The following LHFPL3 variants were observed in gnomAD, a reference collection of about 807,000 sequenced individuals.
The protein encoded by LHFPL3 is LHFPL tetraspan subfamily member 3, also known as LHFPL tetraspan subfamily member 3 protein.
A neutral mutation model predicts 19.3 loss-of-function variants in LHFPL3; 5 were observed. The observed-to-expected ratio is 0.26, with a 90% CI of 0.14 to 0.54. The LOEUF is 0.54. Among genes scored for constraint, LHFPL3 ranks in the 20% least tolerant of loss-of-function variants. LHFPL3 has a pLI of 0.94. For missense variants in LHFPL3, 249 were observed against 307.4 expected, an observed-to-expected ratio of 0.81 and a Z score of 1.42; for synonymous variants, 133 against 126.2, an observed-to-expected ratio of 1.05 and a Z score of -0.36.
At chr7:104,451,458 G>T (rs1792437087) in intron 1 of LHFPL3, among the ~76,000 whole-genome samples, 1 of 152,130 alleles carries the variant, frequency 6.6e-6, no homozygotes, top group African/African-American at 2.4e-5. Context: ...GAAGAGTTTT[G>T]TTGTTCTCTG....
intron 2 of LHFPL3, 149 bp downstream of exon 2, chr7:104,737,060 G>A (rs1462171427): frequency 3.3e-6 from 2 of 608,956 alleles, no homozygotes; most frequent in Admixed American, 3.0e-5. Context: ...CTTTACCCCA[G>A]ACTCAACTCA....
In LHFPL3 at chr7:104,901,734, ATTT is replaced by A. The variant is rs1472820061; in HGVS notation, c.683-4446_683-4444del. On this transcript the variant is annotated intron_variant, in intron 2 of 2. Coordinates refer to ENST00000424859, the MANE Select transcript of LHFPL3 (RefSeq NM_199000.3). ...TGGTGTGCACCATCACACCTGGCTA[ATTT>A]TTTTTTATTTTCTGTAGACACAGCA... Among the ~76,000 whole-genome samples the A allele has an allele frequency of 4.0e-5, 6 of 151,108 alleles. No homozygotes were observed. The South Asian group carries it at 1.3e-3, about 32-fold the overall frequency.
intron 1 of LHFPL3, among the ~76,000 whole-genome samples, chr7:104,625,153 T>G (rs1217155787): frequency 1.4e-4 from 22 of 152,364 alleles, no homozygotes; most frequent in Non-Finnish European, 3.1e-4. Context: ...ACATTGTCCT[T>G]GCATTCAGTG....
rs1355577893 is a variant in LHFPL3 at position 104,907,840 on chromosome 7, T to C, written c.*1625T>C. ...TCTGGTACGGGCCATCTTTTCACCA[T>C]AAATGGCATTATGTTTCAAATGGCT... is the stretch of plus-strand genomic sequence containing the variant. On this transcript the variant is annotated 3_prime_UTR_variant, in exon 3 of 3. Coordinates refer to ENST00000424859, the MANE Select transcript of LHFPL3 (RefSeq NM_199000.3). Among the ~76,000 whole-genome samples, 1 of 152,206 alleles carries C rather than the reference T, an allele frequency of 6.6e-6. No homozygotes were observed. The highest frequency in any genetic ancestry group is 1.5e-5 in the Non-Finnish European group (1 of 68,030).
intron 1 of LHFPL3, among the ~76,000 whole-genome samples, chr7:104,665,218 A>G (rs1452429659): frequency 6.6e-6 from 1 of 151,610 alleles, no homozygotes; most frequent in Non-Finnish European, 1.5e-5. Flanking sequence ...GTTATCTACA[A>G]ATGTAGCATC....
chr7:104,876,594 T>C (rs1791946871), intron 2 of LHFPL3, among the ~76,000 whole-genome samples: 1 of 151,448 alleles, frequency 6.6e-6, no homozygotes, highest in Non-Finnish European at 1.5e-5. Context: ...TCACACCAGT[T>C]AGAATGGCTA....
intron 1 of LHFPL3, among the ~76,000 whole-genome samples, chr7:104,374,689 A>G (rs1469581598): frequency 2.0e-5 from 3 of 152,276 alleles, no homozygotes; most frequent in East Asian, 3.9e-4. Flanking sequence ...GCCTTGATCT[A>G]ATGGGATAGT....
At chr7:104,853,596 G>C (rs545187511) in intron 2 of LHFPL3, among the ~76,000 whole-genome samples, 3 of 152,138 alleles carry the variant, frequency 2.0e-5, no homozygotes, top group Non-Finnish European at 4.4e-5. Context: ...GTAAATTAGT[G>C]CTAATTTGAT....
chr7:104,576,159 A>C (rs565659726), intron 1 of LHFPL3, among the ~76,000 whole-genome samples: 77 of 152,288 alleles, frequency 5.1e-4, no homozygotes, highest in African/African-American at 1.7e-3. Flanking sequence ...AAGAAGATCC[A>C]GGAAAAAAAA....
chr7:104,735,496 G>A (rs1195752990), intron 1 of LHFPL3, among the ~76,000 whole-genome samples: 1 of 152,266 alleles, frequency 6.6e-6, no homozygotes. Context: ...AAGGCTCCGT[G>A]GGCATAGGAC....
chr7:104,874,971 TGAGTA>T, intron 2 of LHFPL3, among the ~76,000 whole-genome samples: 1 of 151,980 alleles, frequency 6.6e-6, no homozygotes, highest in South Asian at 2.1e-4. Flanking sequence ...CTCAGCCTTC[TGAGTA>T]GTTAGGACTA....
At chr7:104,334,755 G>T (rs1420632959) in intron 1 of LHFPL3, among the ~76,000 whole-genome samples, 1 of 152,112 alleles carries the variant, frequency 6.6e-6, no homozygotes, top group Admixed American at 6.5e-5. Context: ...TATAGGTAAT[G>T]ATCTTTATTA....
intron 2 of LHFPL3, chr7:104,744,007 T>C (rs1793990488): frequency 6.6e-6 from 1 of 151,682 alleles, no homozygotes; most frequent in African/African-American, 2.4e-5. Context: ...CCTGCAAATT[T>C]TTTTTGGTAC....
chr7:104,708,733 T>C (rs368759308), intron 1 of LHFPL3, among the ~76,000 whole-genome samples: 33 of 152,164 alleles, frequency 2.2e-4, no homozygotes, highest in African/African-American at 8.0e-4. Context: ...GACTCTTAGA[T>C]CTGGTTGAAA....
intron 1 of LHFPL3, among the ~76,000 whole-genome samples, chr7:104,519,811 G>A (rs1794010463): frequency 6.6e-6 from 1 of 152,060 alleles, no homozygotes; most frequent in African/African-American, 2.4e-5. Flanking sequence ...TTCTAGGGAA[G>A]CAACTGTAGA....
intron 1 of LHFPL3, among the ~76,000 whole-genome samples, chr7:104,599,341 G>T (rs1790921718): frequency 6.6e-6 from 1 of 152,020 alleles, no homozygotes; most frequent in Non-Finnish European, 1.5e-5. Context: ...ATTTTCATTG[G>T]TTTTCAAGTT....
chr7:104,548,733 C>T (rs1794615585), intron 1 of LHFPL3, among the ~76,000 whole-genome samples: 1 of 152,138 alleles, frequency 6.6e-6, no homozygotes, highest in African/African-American at 2.4e-5. Flanking sequence ...CTTACCTCCC[C>T]TTTCTGTATC....
At chr7:104,481,428 C>G (rs1354983508) in intron 1 of LHFPL3, among the ~76,000 whole-genome samples, 1 of 152,094 alleles carries the variant, frequency 6.6e-6, no homozygotes, top group Non-Finnish European at 1.5e-5. Flanking sequence ...TCTTTTGTGC[C>G]TCATCTCTCA....
At chr7:104,421,332 G>T (rs1252237760) in intron 1 of LHFPL3, among the ~76,000 whole-genome samples, 1 of 152,204 alleles carries the variant, frequency 6.6e-6, no homozygotes, top group Non-Finnish European at 1.5e-5. Context: ...AAGAGAAAAG[G>T]TGGAAGTGAG....
Sources: gnomAD v4.1 joint callset for allele counts (sites outside exome capture counted in the v4.1 genomes callset) on GRCh38, gnomAD v4.1.1 for gene constraint, MANE v1.5 for transcripts, NCBI Gene and HGNC (gene_info 2026-07-23, HGNC 2026-07-21) for gene names.